The following PDLIM2 variants were observed in gnomAD, a reference collection of about 807,000 sequenced individuals.
PDLIM2 encodes PDZ and LIM domain 2, also known as PDZ and LIM domain protein 2.
PDLIM2 carries 51 observed loss-of-function variants against 54.1 expected under a neutral mutation model. The ratio of observed to expected loss-of-function variants is 0.94; its 90% confidence interval spans 0.75 to 1.19. The LOEUF is 1.19. Ranked by LOEUF, PDLIM2 falls within the 50% of genes most tolerant of loss-of-function variation. The probability of loss-of-function intolerance (pLI) is 0.00; values close to 1 mark genes in which losing one functional copy is unlikely to be tolerated. For missense variants in PDLIM2, 912 were observed against 874.0 expected, an observed-to-expected ratio of 1.04 and a Z score of -0.55; for synonymous variants, 398 against 385.6, an observed-to-expected ratio of 1.03 and a Z score of -0.38.
At chr8:22,587,222 C>T (rs1267094200) in intron 6 of PDLIM2, among the ~76,000 whole-genome samples, 1 of 152,086 alleles carries the variant, frequency 6.6e-6, no homozygotes, top group Non-Finnish European at 1.5e-5. Flanking sequence ...TCTCAGGGTC[C>T]CACAGCTGCC....
In PDLIM2 at chr8:22,594,106, C is replaced by T. The variant is rs545135502; in HGVS notation, c.*196C>T. 46 of 1,428,500 alleles carry T rather than the reference C, an allele frequency of 3.2e-5. No homozygotes were observed. The South Asian group carries it at 6.8e-4, about 21-fold the overall frequency. 88.5% of individuals were successfully genotyped at this position (1,428,500 alleles called of 1,614,324 possible). ...GGAGACTCACCCTCACCTTGCCAGG[C>T]CTCTCCCCTGCAGGACTGGCATTGC... On this transcript the variant is annotated 3_prime_UTR_variant, in exon 10 of 10. Coordinates refer to ENST00000308354, the Ensembl canonical transcript of PDLIM2.
chr8:22,579,488 C>T, exon 1 of PDLIM2: 1 of 1,510,786 alleles, frequency 6.6e-7, no homozygotes, highest in Non-Finnish European at 8.8e-7. Flanking sequence ...GGCACCTCCC[C>T]GCGGCGCCCG....
At chr8:22,594,489 T>A, downstream of PDLIM2, 1 of 1,613,210 alleles carries the variant, frequency 6.2e-7, no homozygotes, top group Non-Finnish European at 8.5e-7. Context: ...TTGGGAGTCA[T>A]GTCATTCCTT....
chr8:22,593,632 C>A, intron 9 of PDLIM2, 101 bp from the exon 9 acceptor site: 2 of 976,296 alleles, frequency 2.0e-6, no homozygotes, highest in South Asian at 1.8e-5. Flanking sequence ...CTTTGGGCTC[C>A]ACCCAGGTCC....
At chr8:22,580,795 G>A (rs1800170617) in intron 2 of PDLIM2, 98 bp downstream of exon 1, 1 of 1,315,666 alleles carries the variant, frequency 7.6e-7, no homozygotes, top group Non-Finnish European at 1.1e-6. Flanking sequence ...TTTCTGTTCT[G>A]GAGCTAGGGA....
At chr8:22,591,700 C>G (rs779901379) in intron 9 of PDLIM2, 32 bp downstream of exon 8, 2 of 1,574,148 alleles carry the variant, frequency 1.3e-6, no homozygotes, top group Non-Finnish European at 1.7e-6. Flanking sequence ...GGACCTGAGC[C>G]TTCACAGGGG....
chr8:22,592,122 C>T (rs1430557217), intron 9 of PDLIM2: 3 of 126,104 alleles, frequency 2.4e-5, no homozygotes, highest in Non-Finnish European at 4.7e-5. Context: ...CATTCTGTTG[C>T]CCAGGCAGGA....
chr8:22,581,263 G>A, intron 2 of PDLIM2, 116 bp from the exon 2 acceptor site: 1 of 1,336,596 alleles, frequency 7.5e-7, no homozygotes. Flanking sequence ...GGGACATGCA[G>A]GAGGGTGCAG....
At chr8:22,594,898 C>T (rs1800653410), downstream of PDLIM2, 3 of 423,596 alleles carry the variant, frequency 7.1e-6, no homozygotes, top group Admixed American at 4.2e-5. Context: ...TGCATTCCAG[C>T]CTGGGAGAGA....
chr8:22,591,704 A>C, intron 9 of PDLIM2, 36 bp downstream of exon 8: 3 of 1,557,578 alleles, frequency 1.9e-6, no homozygotes, highest in Non-Finnish European at 1.8e-6. Flanking sequence ...CTGAGCCTTC[A>C]CAGGGGAGTG....
At chr8:22,581,224 T>G in intron 2 of PDLIM2, 155 bp from the exon 2 acceptor site, 5 of 952,718 alleles carry the variant, frequency 5.2e-6, no homozygotes, top group Non-Finnish European at 7.8e-6. Flanking sequence ...AGGGGATGGC[T>G]GATCAGCTGG....
intron 3 of PDLIM2, among the ~76,000 whole-genome samples, chr8:22,582,719 C>G (rs1012419933): frequency 4.0e-5 from 6 of 151,540 alleles, no homozygotes; most frequent in African/African-American, 1.5e-4. Flanking sequence ...GTACCTGGGA[C>G]TACAGGCGCG....
intron 6 of PDLIM2, among the ~76,000 whole-genome samples, chr8:22,587,551 C>T (rs1800414631): frequency 6.6e-6 from 1 of 152,144 alleles, no homozygotes; most frequent in Non-Finnish European, 1.5e-5. Flanking sequence ...TTCCCCAGCA[C>T]ACATTTCGAG....
chr8:22,596,112 A>C (rs556770329), downstream of PDLIM2: 1 of 152,434 alleles, frequency 6.6e-6, no homozygotes, highest in African/African-American at 2.4e-5. Flanking sequence ...AACACTTGGA[A>C]GGTTTTAAGC....
chr8:22,579,944 G>C (rs1286019130), intron 1 of PDLIM2: 2 of 187,004 alleles, frequency 1.1e-5, no homozygotes, highest in African/African-American at 4.7e-5. Context: ...TGCCCTGGCA[G>C]CCGGCCCCTG....
intron 7 of PDLIM2, 37 bp downstream of exon 6, chr8:22,589,411 G>A: frequency 1.3e-6 from 2 of 1,535,350 alleles, no homozygotes. Context: ...TTGGGGTCTT[G>A]GAAGGCTGGG....
chr8:22,578,953 G>A (rs2117331244), exon 1 of PDLIM2: 2 of 1,239,710 alleles, frequency 1.6e-6, no homozygotes, highest in Non-Finnish European at 2.0e-6. Context: ...GACGGTCGCA[G>A]CCTGCAGGGG....
chr8:22,589,613 G>A, exon 8 of PDLIM2: 1 of 1,602,734 alleles, frequency 6.2e-7, no homozygotes, highest in African/African-American at 1.3e-5. Flanking sequence ...TCGGAAGGGG[G>A]AAGCCTCCTC....
chr8:22,597,286 G>A (rs893857829), downstream of PDLIM2: 1 of 151,650 alleles, frequency 6.6e-6, no homozygotes, highest in Non-Finnish European at 1.5e-5. Flanking sequence ...ATCACTCAGA[G>A]AGCCCTGGCC....
Sources: allele counts gnomAD v4.1 joint callset (sites outside exome capture counted in the v4.1 genomes callset), GRCh38; gene constraint gnomAD v4.1.1; transcripts MANE v1.5; gene names NCBI Gene and HGNC (gene_info 2026-07-23, HGNC 2026-07-21).